The following FMN2 variants were observed in gnomAD, a reference collection of about 807,000 sequenced individuals.
The protein encoded by FMN2 is formin-2.
Under a neutral mutation model 142.3 loss-of-function variants are expected in FMN2, and 51 were observed. That is an observed-to-expected ratio of 0.36 (90% confidence interval 0.29 to 0.45). The LOEUF is 0.45. Ranked by LOEUF, FMN2 falls within the 20% of genes least tolerant of loss-of-function variation. The probability of loss-of-function intolerance (pLI) is 1.00; values close to 1 mark genes in which losing one functional copy is unlikely to be tolerated. For synonymous variants in FMN2, 882 were observed against 869.8 expected (o/e 1.01, Z -0.25); for missense variants, 1,936 against 2,122.8 (o/e 0.91, Z 1.73).
intron 15 of FMN2, among the ~76,000 whole-genome samples, chr1:240,424,542 A>C (rs1674873081): frequency 6.6e-6 from 1 of 152,206 alleles, no homozygotes; most frequent in African/African-American, 2.4e-5. Flanking sequence ...TGTATGAAGA[A>C]TAGATTCCTT....
intron 2 of FMN2, among the ~76,000 whole-genome samples, chr1:240,155,344 T>C (rs1255357334): frequency 6.6e-6 from 1 of 152,222 alleles, no homozygotes; most frequent in Non-Finnish European, 1.5e-5. Context: ...AGTGGTGCAA[T>C]CATGGCTTAC....
chr1:240,311,960 G>T (rs1670618152), intron 8 of FMN2, among the ~76,000 whole-genome samples: 1 of 152,118 alleles, frequency 6.6e-6, no homozygotes, highest in Admixed American at 6.5e-5. Flanking sequence ...CAAATAGCTG[G>T]AACTACAGGC....
intron 16 of FMN2, among the ~76,000 whole-genome samples, chr1:240,456,136 G>A (rs1676238000): frequency 6.6e-6 from 1 of 151,998 alleles, no homozygotes; most frequent in African/African-American, 2.4e-5. Flanking sequence ...TACACACTTT[G>A]GGGATAATTA....
chr1:240,254,602 T>C (rs903669179), intron 6 of FMN2, among the ~76,000 whole-genome samples: 12 of 152,078 alleles, frequency 7.9e-5, no homozygotes. Flanking sequence ...GACTGTGTGG[T>C]GGCCCTGAGG....
At chr1:240,201,585 A>G (rs929849663) in intron 4 of FMN2, among the ~76,000 whole-genome samples, 5 of 152,362 alleles carry the variant, frequency 3.3e-5, no homozygotes, top group South Asian at 4.1e-4. Context: ...ATGATGTCAT[A>G]TATCATGGCA....
chr1:240,425,160 T>G (rs2103149982), intron 15 of FMN2, among the ~76,000 whole-genome samples: 1 of 149,822 alleles, frequency 6.7e-6, no homozygotes, highest in African/African-American at 2.4e-5. Context: ...AGCTTTTACT[T>G]TGGCTTCTCA....
intron 2 of FMN2, among the ~76,000 whole-genome samples, chr1:240,132,732 C>T (rs1463192996): frequency 6.6e-6 from 1 of 152,026 alleles, no homozygotes; most frequent in Non-Finnish European, 1.5e-5. Flanking sequence ...GGGTTACGCT[C>T]AGGATGGACG....
chr1:240,214,718 T>C (rs1356116533), intron 6 of FMN2, among the ~76,000 whole-genome samples: 1 of 152,148 alleles, frequency 6.6e-6, no homozygotes, highest in Non-Finnish European at 1.5e-5. Flanking sequence ...TGATTTTTAA[T>C]GTTTGTAATG....
chr1:240,241,259 G>GA (rs1667887453), intron 6 of FMN2, among the ~76,000 whole-genome samples: 1 of 62,022 alleles, frequency 1.6e-5, no homozygotes, highest in Non-Finnish European at 3.4e-5. Flanking sequence ...TTTTTTTTTT[G>GA]TCAAGGTCAT....
At chr1:240,425,533 C>T (rs1292196147) in intron 15 of FMN2, among the ~76,000 whole-genome samples, 1 of 152,148 alleles carries the variant, frequency 6.6e-6, no homozygotes, top group African/African-American at 2.4e-5. Context: ...ACCTGCCACA[C>T]ATCAAAAGGT....
chr1:240,249,504 T>C (rs1468513276), intron 6 of FMN2, among the ~76,000 whole-genome samples: 1 of 152,184 alleles, frequency 6.6e-6, no homozygotes, highest in Non-Finnish European at 1.5e-5. Flanking sequence ...ACTATAACCT[T>C]GTAATATATT....
At chr1:240,400,944 G>A (rs1673964279) in intron 15 of FMN2, 2 of 152,254 alleles carry the variant, frequency 1.3e-5, no homozygotes, top group East Asian at 1.9e-4. Flanking sequence ...CCAACATGGT[G>A]AAATCCCATC....
intron 6 of FMN2, among the ~76,000 whole-genome samples, chr1:240,227,426 T>C (rs1667348445): frequency 1.5e-5 from 2 of 134,362 alleles, no homozygotes; most frequent in East Asian, 4.3e-4. Flanking sequence ...TTCTCCAAAC[T>C]CATTTTTTTT....
chr1:240,454,235 A>G (rs1676153734), intron 16 of FMN2, among the ~76,000 whole-genome samples: 1 of 152,094 alleles, frequency 6.6e-6, no homozygotes, highest in African/African-American at 2.4e-5. Context: ...GCTGAGCATC[A>G]TTCTTCATTA....
chr1:240,297,656 G>A (rs1222899888), intron 8 of FMN2, among the ~76,000 whole-genome samples: 10 of 147,370 alleles, frequency 6.8e-5, no homozygotes, highest in African/African-American at 2.5e-4. Flanking sequence ...TCAAAGTAAA[G>A]TAATTTCACA....
At chr1:240,281,139 G>T (rs1476267004) in intron 7 of FMN2, among the ~76,000 whole-genome samples, 3 of 152,098 alleles carry the variant, frequency 2.0e-5, no homozygotes, top group African/African-American at 7.2e-5. Flanking sequence ...AGTAACTTAT[G>T]TCGTTAACCT....
intron 16 of FMN2, among the ~76,000 whole-genome samples, chr1:240,449,571 C>T (rs1166302800): frequency 6.6e-6 from 1 of 152,172 alleles, no homozygotes; most frequent in Non-Finnish European, 1.5e-5. Flanking sequence ...TATAGAATTA[C>T]AGTGTGGTCT....
chr1:240,408,189 T>C (rs1674276657), intron 15 of FMN2, among the ~76,000 whole-genome samples: 1 of 152,224 alleles, frequency 6.6e-6, no homozygotes, highest in Non-Finnish European at 1.5e-5. Context: ...AATTGATGAA[T>C]TGATCAAAAT....
intron 6 of FMN2, among the ~76,000 whole-genome samples, chr1:240,243,096 A>C (rs1265733552): frequency 2.6e-5 from 4 of 152,084 alleles, no homozygotes; most frequent in Non-Finnish European, 5.9e-5. Flanking sequence ...AGTGTAAGTA[A>C]GACTGCAGTC....
Sources: gnomAD v4.1 joint callset for allele counts (sites outside exome capture counted in the v4.1 genomes callset) on GRCh38, gnomAD v4.1.1 for gene constraint, MANE v1.5 for transcripts, NCBI Gene and HGNC (gene_info 2026-07-23, HGNC 2026-07-21) for gene names.